Variants in SOX30 observed in about 807,000 individuals in gnomAD.
The protein encoded by SOX30 is transcription factor SOX-30.
SOX30 carries 17 observed loss-of-function variants against 58.6 expected under a neutral mutation model. The observed-to-expected ratio is 0.29, with a 90% confidence interval of 0.20 to 0.44. The LOEUF is 0.44. Ranked by LOEUF, SOX30 falls within the 20% of genes least tolerant of loss-of-function variation. The pLI is 1.00. For missense variants in SOX30, 951 were observed against 965.8 expected (o/e 0.98, Z 0.20); for synonymous variants, 421 against 400.2 (o/e 1.05, Z -0.62).
rs7722328 is a variant in SOX30, at chr5:157,646,012, T to C, written c.1387+625A>G. Among the ~76,000 whole-genome samples the C allele has an allele frequency of 3.3e-3, 410 of 123,424 alleles. 1 individual carries two copies. The highest frequency in any genetic ancestry group is 0.016 in the African/African-American group (387 of 24,776). The allele number at this position is 123,424 out of a possible 152,430, so 81.0% of individuals were successfully genotyped here. ...CAGCCTGGTCAACAAGAGCGAAAAC[T>C]CCATCTCAAAAAAAAAAAAACTGTT... On this transcript the variant is annotated intron_variant, in intron 3 of 4. Transcript: ENST00000265007.
intron 4 of SOX30, among the ~76,000 whole-genome samples, chr5:157,626,968 A>T (rs1409146864): frequency 6.6e-6 from 1 of 152,210 alleles, no homozygotes; most frequent in Non-Finnish European, 1.5e-5. Flanking sequence ...CTTACCTTTG[A>T]CAACCATGAT....
intron 1 of SOX30, among the ~76,000 whole-genome samples, chr5:157,669,961 G>A (rs1759747536): frequency 6.6e-6 from 1 of 152,202 alleles, no homozygotes. Context: ...GCTCACCCCA[G>A]GAAGGGCAGC....
rs192864736 is a variant in SOX30 at position 157,648,745 on chromosome 5, T to A, written c.1119A>T (p.Leu373Phe). Residue 373 changes from leucine to phenylalanine, a missense_variant, in exon 2 of 5, where the codon TTA becomes TTT. Transcript: ENST00000265007. ...NNAEISVQLG[L>F]EWNKLSEEQK... ...GTTCTTCACTAAGTTTGTTCCACTC[T>A]AACCCAAGCTGGACACTGATTTCTG... is the stretch of plus-strand genomic sequence containing the variant. 3 of 1,613,814 alleles carry A rather than the reference T, an allele frequency of 1.9e-6. No homozygotes were observed. The East Asian group carries it at 6.7e-5, about 36-fold the overall frequency.
rs1359182443 is a variant in SOX30 at position 157,638,382 on chromosome 5, T to G, written c.1728A>C (p.Arg576Ser). 1.2e-6 allele frequency: 2 copies of G among 1,613,780 alleles called. No individual in the cohort carries two copies. The highest frequency in any genetic ancestry group is 2.2e-5 in the South Asian group (2 of 91,066). Residue 576 changes from arginine (R) to serine (S), a missense_variant, in exon 4 of 5, where the codon AGA becomes AGC. By Grantham distance (110) the Arg-to-Ser change is moderately radical. Coordinates refer to ENST00000265007, the MANE Select transcript of SOX30 (RefSeq NM_178424.2). Reference protein sequence around the residue: ...REYSSVSPCPRSAPIPQASPI... With the variant: ...REYSSVSPCPSSAPIPQASPI... ...GAGAAGCCTGGGGGATTGGAGCACT[T>G]CTGGGACAAGGGGAAACGCTGGAAT...
At chr5:157,628,460 G>C (rs951226299) in intron 4 of SOX30, among the ~76,000 whole-genome samples, 1 of 150,772 alleles carries the variant, frequency 6.6e-6, no homozygotes. Flanking sequence ...AGACATACTA[G>C]ACTATTATCT....
chr5:157,648,057 A>G (rs908820318), intron 2 of SOX30, among the ~76,000 whole-genome samples: 2 of 152,168 alleles, frequency 1.3e-5, no homozygotes, highest in South Asian at 2.1e-4. Context: ...CTCTCTGCCA[A>G]TATTTCAGAA....
At chr5:157,667,508 G>A (rs1289039331) in intron 2 of SOX30, among the ~76,000 whole-genome samples, 3 of 152,092 alleles carry the variant, frequency 2.0e-5, no homozygotes, top group Non-Finnish European at 4.4e-5. Context: ...CAAGGCGGAC[G>A]GAATCACCTG....
chr5:157,641,088 CT>C (rs1406363981), intron 3 of SOX30, among the ~76,000 whole-genome samples: 4 of 152,144 alleles, frequency 2.6e-5, no homozygotes, highest in Non-Finnish European at 5.9e-5. Flanking sequence ...AACATAAGCA[CT>C]TTCAGAAACT....
intron 3 of SOX30, among the ~76,000 whole-genome samples, chr5:157,639,145 T>G (rs1759000522): frequency 6.6e-6 from 1 of 151,936 alleles, no homozygotes; most frequent in Admixed American, 6.6e-5. Context: ...CATTTAAAAA[T>G]AATAATAATA....
At chr5:157,629,583 A>G (rs1394461147) in intron 4 of SOX30, among the ~76,000 whole-genome samples, 1 of 152,252 alleles carries the variant, frequency 6.6e-6, no homozygotes, top group Non-Finnish European at 1.5e-5. Context: ...GCAAAAAACT[A>G]TAAAAGCATC....
chr5:157,666,434 G>C (rs1759672183), intron 2 of SOX30, among the ~76,000 whole-genome samples: 2 of 148,994 alleles, frequency 1.3e-5, no homozygotes, highest in Non-Finnish European at 3.0e-5. Flanking sequence ...TGCTGGGATT[G>C]GTGTGAGCCA....
intron 2 of SOX30, among the ~76,000 whole-genome samples, chr5:157,666,528 C>CACACACACA (rs1759677366): frequency 7.0e-6 from 1 of 141,848 alleles, no homozygotes; most frequent in African/African-American, 2.6e-5. Context: ...CACACACACA[C>CACACACACA]CTCAGTTCAA....
chr5:157,661,944 T>TTA (rs1759586566), intron 2 of SOX30, among the ~76,000 whole-genome samples: 1 of 152,196 alleles, frequency 6.6e-6, no homozygotes, highest in Non-Finnish European at 1.5e-5. Flanking sequence ...ATTTAAATGT[T>TTA]AATAGAGTTC....
At chr5:157,667,727 A>G in intron 2 of SOX30, 1 of 1,513,732 alleles carries the variant, frequency 6.6e-7, no homozygotes, top group Non-Finnish European at 8.8e-7. Context: ...CGACAGAGCG[A>G]GACTCCATCT....
intron 3 of SOX30, among the ~76,000 whole-genome samples, chr5:157,641,339 G>A (rs369549693): frequency 1.8e-4 from 28 of 152,206 alleles, no homozygotes; most frequent in African/African-American, 6.0e-4. Flanking sequence ...AGTGCTGGGC[G>A]TGGTGGCTTA....
At chr5:157,649,230 A>G (rs1759268607) in intron 1 of SOX30, among the ~76,000 whole-genome samples, 1 of 152,078 alleles carries the variant, frequency 6.6e-6, no homozygotes, top group African/African-American at 2.4e-5. Context: ...ATTAACATTT[A>G]TTTATTTACT....
intron 1 of SOX30, among the ~76,000 whole-genome samples, chr5:157,670,863 T>C (rs1045893076): frequency 6.6e-6 from 1 of 152,178 alleles, no homozygotes; most frequent in Non-Finnish European, 1.5e-5. Context: ...TGGTCCATTA[T>C]GTGTGGGAAA....
chr5:157,641,526 T>C (rs908236072), intron 3 of SOX30, among the ~76,000 whole-genome samples: 1 of 152,116 alleles, frequency 6.6e-6, no homozygotes, highest in Admixed American at 6.6e-5. Flanking sequence ...GGCAGGAGAA[T>C]TGCTTAAACC....
At chr5:157,647,736 T>A (rs945917565) in intron 2 of SOX30, among the ~76,000 whole-genome samples, 4 of 151,798 alleles carry the variant, frequency 2.6e-5, no homozygotes, top group Admixed American at 2.0e-4. Context: ...TTTATTTTTT[T>A]TTTTAGTAGA....
Sources: allele counts gnomAD v4.1 joint callset (sites outside exome capture counted in the v4.1 genomes callset), GRCh38; gene constraint gnomAD v4.1.1; transcripts MANE v1.5; gene names NCBI Gene and HGNC (gene_info 2026-07-23, HGNC 2026-07-21).